The following INTS14 variants were observed in gnomAD, a reference collection of about 807,000 sequenced individuals.
INTS14 encodes the protein UPF0464 protein C15orf44.
INTS14 carries 27 observed loss-of-function variants against 56.9 expected under a neutral mutation model. That is an observed-to-expected ratio of 0.47 (90% CI 0.35 to 0.65). INTS14 has a LOEUF of 0.65. INTS14 is among the 30% of genes least tolerant of loss of function. The pLI is 0.00. For synonymous variants in INTS14, 207 were observed against 236.2 expected (o/e 0.88, Z 1.13); for missense variants, 517 against 632.2 (o/e 0.82, Z 1.95).
At chr15:65,607,479 A>G in intron 1 of INTS14, 37 bp from the exon 2 acceptor site, 1 of 1,530,914 alleles carries the variant, frequency 6.5e-7, no homozygotes, top group South Asian at 1.2e-5. Flanking sequence ...TGTCATGGAG[A>G]GAAAATAATA....
intron 7 of INTS14, among the ~76,000 whole-genome samples, chr15:65,594,146 C>A (rs1325194597): frequency 1.3e-5 from 2 of 152,154 alleles, no homozygotes; most frequent in East Asian, 1.9e-4. Context: ...AGGCTTAGGG[C>A]AGCACATGCA....
intron 11 of INTS14, among the ~76,000 whole-genome samples, chr15:65,580,362 T>C (rs1426733584): frequency 2.0e-5 from 3 of 152,124 alleles, no homozygotes; most frequent in Non-Finnish European, 2.9e-5. Flanking sequence ...AGAAATGGGC[T>C]CTCTGACCAT....
rs2141301923 is a variant in INTS14 at position 65,599,882 on chromosome 15, C to T, written c.378G>A (p.Leu126=). 1.2e-6 allele frequency: 2 copies of T among 1,614,170 alleles called. No individual in the cohort carries two copies. The highest frequency in any genetic ancestry group is 3.3e-4 in the Middle Eastern group (2 of 6,060). The change falls in exon 4 of 12, where the codon CTG becomes CTA. Residue 126 remains leucine, a synonymous_variant. Coordinates refer to ENST00000313182, the MANE Select transcript of INTS14 (RefSeq NM_001394796.1). ...GATTTTGAGTGGCTAGGGAATGTCG[C>T]AGTGACCCTCTACCAATGCCAAGAC... ...DGCLGIGRGS[L]RHSLATQNQR... is the part of the protein sequence containing the mutation.
chr15:65,596,081 A>AC (rs1375013769), intron 6 of INTS14, among the ~76,000 whole-genome samples: 4 of 152,174 alleles, frequency 2.6e-5, no homozygotes, highest in African/African-American at 9.7e-5. Context: ...TAAGGTTAGG[A>AC]CCCCAGCCAA....
chr15:65,610,497 G>C (rs1228601040), intron 1 of INTS14, among the ~76,000 whole-genome samples: 1 of 147,272 alleles, frequency 6.8e-6, no homozygotes, highest in Non-Finnish European at 1.5e-5. Context: ...AAACAACTAG[G>C]GCTCTTCTTT....
rs58295070 is a variant in INTS14 at position 65,610,075 on chromosome 15, T to TAA, written c.-63+1021_-63+1022dup. Among the ~76,000 whole-genome samples the TAA allele has an allele frequency of 2.5e-4, 35 of 142,518 alleles. 1 individual carries two copies. The East Asian group carries it at 3.0e-3, about 12-fold the overall frequency. The allele number at this position is 142,518 out of a possible 152,430, so 93.5% of individuals were successfully genotyped here. ...TTCACTCAAGCAGTATAGGCCTGATTAAAAAAAAAAAAGGCCAGGCACGCC... is the reference window on the plus strand; with the variant it reads ...TTCACTCAAGCAGTATAGGCCTGATTAAAAAAAAAAAAAAGGCCAGGCACGCC... On this transcript the variant is annotated intron_variant, in intron 1 of 11. Coordinates refer to ENST00000313182, the MANE Select transcript of INTS14 (RefSeq NM_001394796.1).
At chr15:65,596,145 CA>C (rs1366485803) in intron 6 of INTS14, among the ~76,000 whole-genome samples, 14 of 152,148 alleles carry the variant, frequency 9.2e-5, no homozygotes, top group African/African-American at 2.2e-4. Context: ...TTCAGGTCAC[CA>C]GGGGGCATCA....
chr15:65,588,397 G>A (rs2072904418), intron 9 of INTS14, among the ~76,000 whole-genome samples: 1 of 151,918 alleles, frequency 6.6e-6, no homozygotes, highest in African/African-American at 2.4e-5. Context: ...GGGCAGAGTG[G>A]CTCACGCCTG....
intron 9 of INTS14, among the ~76,000 whole-genome samples, chr15:65,585,802 T>C (rs1488079112): frequency 6.6e-6 from 1 of 152,222 alleles, no homozygotes; most frequent in Non-Finnish European, 1.5e-5. Context: ...GTCTGTCTAA[T>C]TGAGCCAGAC....
Position 65,611,098 on chromosome 15 carries a change from C to G in INTS14, c.-63G>C, listed in dbSNP as rs2073927137. On this transcript the variant is annotated splice_region_variant and 5_prime_UTR_variant, in exon 1 of 12. Transcript: ENST00000313182. ...CCGGGCCCTCGGCCTCCCCACTCAC[C>G]CCGTGCCCATCGCCGGACACAGTCC... The G allele has an allele frequency of 3.9e-6, 6 of 1,535,684 alleles. No individual in the cohort carries two copies. Among genetic ancestry groups the G allele is most frequent in the Middle Eastern group, 1.7e-4 (1 of 5,982 alleles).
chr15:65,593,372 C>T, intron 8 of INTS14, 56 bp downstream of exon 8: 1 of 1,564,082 alleles, frequency 6.4e-7, no homozygotes, highest in Non-Finnish European at 8.7e-7. Flanking sequence ...CAAAATACTT[C>T]ACTTTGTAAA....
chr15:65,601,149 A>C (rs1271361872), intron 3 of INTS14, among the ~76,000 whole-genome samples: 1 of 152,250 alleles, frequency 6.6e-6, no homozygotes, highest in Non-Finnish European at 1.5e-5. Flanking sequence ...AAGATCTTTA[A>C]AACGCATTCT....
rs554977237 is a variant in INTS14, at chr15:65,590,377, T to C, written c.1120+1221A>G. On this transcript the variant is annotated intron_variant, in intron 9 of 11. Coordinates refer to ENST00000313182, the MANE Select transcript of INTS14 (RefSeq NM_001394796.1). The stretch of plus-strand genomic sequence containing the variant: ...CAGAAGGATCTGATCACATTACTCC[T>C]CTTCAGTGGTTTCCCAGTATCTGCA... Among the ~76,000 whole-genome samples, 15 of 152,320 alleles carry C rather than the reference T, an allele frequency of 9.8e-5. 1 individual carries two copies. In the South Asian group the frequency reaches 3.1e-3, roughly 32 times the overall value.
intron 3 of INTS14, among the ~76,000 whole-genome samples, chr15:65,604,800 G>C (rs2073585503): frequency 6.6e-6 from 1 of 150,652 alleles, no homozygotes; most frequent in South Asian, 2.1e-4. Context: ...ATATTATACT[G>C]ATGTTTACAA....
rs142677359 is a variant in INTS14 at position 65,597,626 on chromosome 15, C to T, written c.748+695G>A. ...GAGTACACTATATCAGATCCAAGAA[C>T]TCCAAGACCATCTGGTTGATTCTCC... On this transcript the variant is annotated intron_variant, in intron 6 of 11. Coordinates refer to ENST00000313182, the MANE Select transcript of INTS14 (RefSeq NM_001394796.1). Among the ~76,000 whole-genome samples, 60 of 152,302 alleles carry T rather than the reference C, an allele frequency of 3.9e-4. No individual in the cohort carries two copies. In the East Asian group the frequency reaches 9.8e-3, roughly 25 times the overall value.
intron 7 of INTS14, 25 bp from the exon 8 acceptor site, chr15:65,593,597 C>G (rs1389584826): frequency 2.5e-6 from 4 of 1,600,900 alleles, no homozygotes; most frequent in Non-Finnish European, 3.4e-6. Context: ...GAAAACAGGT[C>G]AGACTGAAAT....
intron 1 of INTS14, among the ~76,000 whole-genome samples, chr15:65,609,587 T>A (rs1213040005): frequency 6.6e-6 from 1 of 152,102 alleles, no homozygotes; most frequent in Non-Finnish European, 1.5e-5. Context: ...TACCCCTAAA[T>A]CACCAGATAT....
At chr15:65,580,056 T>A (rs187770499) in intron 11 of INTS14, among the ~76,000 whole-genome samples, 78 of 152,160 alleles carry the variant, frequency 5.1e-4, no homozygotes, top group African/African-American at 1.9e-3. Flanking sequence ...CTGATGCCAC[T>A]GTGGTGGGGC....
chr15:65,598,362 A>G lies in INTS14; in HGVS notation c.707T>C (p.Val236Ala), dbSNP rs766372521. ...AGGGATAGGATCAATTTCTTCATCT[A>G]CAACAAAAGGTTCTGGCCTGGGGAA... ...QVFPRPEPFV[V>A]DEEIDPIPKV... is the part of the protein sequence containing the mutation. Residue 236 changes from valine (V) to alanine (A), a missense_variant, in exon 6 of 12, where the codon GTA (valine) becomes GCA (alanine). By Grantham distance (64) the Val-to-Ala change is moderately conservative. Coordinates refer to ENST00000313182, the MANE Select transcript of INTS14 (RefSeq NM_001394796.1). The G allele has an allele frequency of 3.7e-6, 6 of 1,614,020 alleles. No individual in the cohort carries two copies. In the East Asian group the frequency reaches 1.1e-4, roughly 30 times the overall value.
Sources: gnomAD v4.1 joint callset for allele counts (sites outside exome capture counted in the v4.1 genomes callset) on GRCh38, gnomAD v4.1.1 for gene constraint, MANE v1.5 for transcripts, NCBI Gene and HGNC (gene_info 2026-07-23, HGNC 2026-07-21) for gene names.